Variants in EMILIN2 observed in about 807,000 individuals in gnomAD.
EMILIN2 encodes elastin microfibril interfacer 2, also known as EMILIN-2.
A neutral mutation model predicts 87.1 loss-of-function variants in EMILIN2; 71 were observed. The ratio of observed to expected loss-of-function variants is 0.82; its 90% confidence interval spans 0.67 to 0.99. The LOEUF (loss-of-function observed/expected upper bound fraction) is 0.99, where lower values mean the gene tolerates loss of function less well. Among genes scored for constraint, EMILIN2 ranks in the 50% least tolerant of loss-of-function variants. The probability of loss-of-function intolerance (pLI) is 0.00; values close to 1 mark genes in which losing one functional copy is unlikely to be tolerated. For synonymous variants in EMILIN2, 581 were observed against 563.4 expected, an observed-to-expected ratio of 1.03 and a Z score of -0.44; for missense variants, 1,407 against 1,371.8, an observed-to-expected ratio of 1.03 and a Z score of -0.40.
chr18:2,848,330 C>T lies in EMILIN2; in HGVS notation c.257+399C>T, dbSNP rs2099573819. 6.6e-6 allele frequency among the ~76,000 whole-genome samples: 1 copy of T among 152,152 alleles called. No individual in the cohort carries two copies. The highest frequency in any genetic ancestry group is 2.4e-5 in the African/African-American group (1 of 41,428). ...AAATGTATACTGCTAAAGACTATTC[C>T]GTATAGGATTCGCTGAGAGGTTTGG... On this transcript the variant is annotated intron_variant, in intron 2 of 7. Coordinates refer to ENST00000254528, the MANE Select transcript of EMILIN2 (RefSeq NM_032048.3). The surrounding 1 kb of genome is among the most constrained non-coding windows in gnomAD (Gnocchi z 4.1).
intron 7 of EMILIN2, among the ~76,000 whole-genome samples, chr18:2,910,872 G>A (rs1312977565): frequency 6.6e-6 from 1 of 152,222 alleles, no homozygotes; most frequent in Admixed American, 6.5e-5. Flanking sequence ...AGTGCCCCAG[G>A]CTGATTAAGC....
chr18:2,868,398 G>A (rs2076700872), intron 2 of EMILIN2, among the ~76,000 whole-genome samples: 1 of 152,256 alleles, frequency 6.6e-6, no homozygotes, highest in South Asian at 2.1e-4. Context: ...CGACAGGGTG[G>A]CGGCTGGGCA....
intron 2 of EMILIN2, among the ~76,000 whole-genome samples, chr18:2,879,530 A>G (rs1424350592): frequency 5.3e-5 from 8 of 151,806 alleles, no homozygotes; most frequent in East Asian, 3.9e-4. Context: ...GCGTGGTGGC[A>G]CATGCCTGTA....
At chr18:2,909,031 C>A in intron 6 of EMILIN2, 56 bp downstream of exon 6, 1 of 1,596,812 alleles carries the variant, frequency 6.3e-7, no homozygotes, top group Non-Finnish European at 8.6e-7. Context: ...TGGCCTCTGC[C>A]CCTCCTCTGC....
chr18:2,906,979 G>A lies in EMILIN2; in HGVS notation c.2556G>A (p.Gly852=). 1 of 1,388,360 alleles carries A rather than the reference G, an allele frequency of 7.2e-7. No homozygotes were observed. The highest frequency in any genetic ancestry group is 9.4e-7 in the Non-Finnish European group (1 of 1,069,426). 86.0% of individuals were successfully genotyped at this position (1,388,360 alleles called of 1,614,324 possible). A position where few individuals can be genotyped will look rare whatever the true frequency, so the allele number is the denominator to read the frequency against. Residue 852 remains glycine (G), a synonymous_variant, in exon 5 of 8, where the codon GGG becomes GGA. Transcript: ENST00000254528. ...TGVIAETGQA[G]PPAGAGVSGR... ...TCATCGCGGAGACGGGCCAGGCCGG[G>A]CCCCCCGCAGGCGCAGGCGTGTCTG...
intron 5 of EMILIN2, among the ~76,000 whole-genome samples, chr18:2,907,501 T>C (rs2076920389): frequency 1.3e-5 from 2 of 152,208 alleles, no homozygotes; most frequent in South Asian, 2.1e-4. Context: ...TCCTGAGCTC[T>C]CTGAGCTGCA....
Position 2,899,776 on chromosome 18 carries a change from T to C in EMILIN2, c.2360-7007T>C, listed in dbSNP as rs371118452. On this transcript the variant is annotated intron_variant, in intron 4 of 7. Coordinates refer to ENST00000254528, the MANE Select transcript of EMILIN2 (RefSeq NM_032048.3). ...ACCTCAGCCTCCCAAAGTGCTGGGA[T>C]TACAGGCGTGAGCCACCGCGCGCGG... Among the ~76,000 whole-genome samples the C allele has an allele frequency of 5.3e-4, 81 of 152,284 alleles. No individual in the cohort carries two copies. In the East Asian group the frequency reaches 0.015, roughly 28 times the overall value.
chr18:2,874,844 C>G (rs1300349721), intron 2 of EMILIN2, among the ~76,000 whole-genome samples: 1 of 152,202 alleles, frequency 6.6e-6, no homozygotes, highest in Non-Finnish European at 1.5e-5. Context: ...CTCTTAATGT[C>G]TCCAGATTTT....
intron 2 of EMILIN2, among the ~76,000 whole-genome samples, chr18:2,867,794 C>T (rs1001024345): frequency 1.8e-4 from 27 of 152,240 alleles, no homozygotes; most frequent in Non-Finnish European, 1.2e-4. Context: ...CAGTCTTTTC[C>T]CCACCTTTCC....
At chr18:2,877,088 G>A in intron 2 of EMILIN2, among the ~76,000 whole-genome samples, 1 of 152,182 alleles carries the variant, frequency 6.6e-6, no homozygotes, top group East Asian at 1.9e-4. Flanking sequence ...GACTTTATCT[G>A]GAGTGGGAGA....
chr18:2,892,678 G>A (rs1176360296), intron 4 of EMILIN2, among the ~76,000 whole-genome samples, 192 bp downstream of exon 4: 1 of 151,938 alleles, frequency 6.6e-6, no homozygotes, highest in Non-Finnish European at 1.5e-5. Flanking sequence ...GTGGTTCATA[G>A]ATTGGTGCCT....
intron 4 of EMILIN2, among the ~76,000 whole-genome samples, chr18:2,898,296 C>T (rs2076872869): frequency 6.6e-6 from 1 of 152,248 alleles, no homozygotes; most frequent in East Asian, 1.9e-4. Context: ...GCCTGGGACC[C>T]AGGACTAGCC....
intron 6 of EMILIN2, among the ~76,000 whole-genome samples, chr18:2,909,195 C>A (rs190036781): frequency 3.3e-5 from 5 of 152,226 alleles, no homozygotes; most frequent in South Asian, 2.1e-4. Context: ...AGGCCCAAGA[C>A]AAGGAATCTT....
At chr18:2,864,164 C>G (rs2076674846) in intron 2 of EMILIN2, among the ~76,000 whole-genome samples, 1 of 152,176 alleles carries the variant, frequency 6.6e-6, no homozygotes. Context: ...TGGGTCTTGA[C>G]TCTTTATCCA....
chr18:2,898,228 G>A (rs2076872602), intron 4 of EMILIN2, among the ~76,000 whole-genome samples: 1 of 152,248 alleles, frequency 6.6e-6, no homozygotes, highest in Non-Finnish European at 1.5e-5. Flanking sequence ...GTGGGGGTGT[G>A]TCCTGGCCAC....
In EMILIN2 at chr18:2,848,852, G is replaced by C. The variant is rs561283612; in HGVS notation, c.257+921G>C. On this transcript the variant is annotated intron_variant, in intron 2 of 7. Transcript: ENST00000254528. The surrounding 1 kb of genome is among the most constrained non-coding windows in gnomAD (Gnocchi z 4.1). ...ATAGTCAGTAGGCGGATCTGTCTTT[G>C]GCAAAACCAAGGGACAGACTGGAAC... Among the ~76,000 whole-genome samples the C allele has an allele frequency of 7.6e-4, 115 of 152,266 alleles. No homozygotes were observed. Among genetic ancestry groups the C allele is most frequent in the African/African-American group, 2.6e-3 (107 of 41,554 alleles).
At chr18:2,849,640 A>G (rs2076593252) in intron 2 of EMILIN2, among the ~76,000 whole-genome samples, 1 of 152,184 alleles carries the variant, frequency 6.6e-6, no homozygotes, top group African/African-American at 2.4e-5. Flanking sequence ...AAAATGACAG[A>G]TGTTTCTGTT....
Position 2,907,812 on chromosome 18 carries a change from A to G in EMILIN2, c.2662+727A>G, listed in dbSNP as rs559218335. Reference sequence around the variant, plus strand: ...GATGAGGAAACTGAGATTTGTGGCTATAACAGATAAACAGATGACCCTGAA... The same window carrying G: ...GATGAGGAAACTGAGATTTGTGGCTGTAACAGATAAACAGATGACCCTGAA... On this transcript the variant is annotated intron_variant, in intron 5 of 7. Transcript: ENST00000254528. 2.0e-4 allele frequency among the ~76,000 whole-genome samples: 31 copies of G among 152,346 alleles called. No individual in the cohort carries two copies. The East Asian group carries it at 2.1e-3, about 10-fold the overall frequency.
chr18:2,905,599 T>A, intron 4 of EMILIN2, among the ~76,000 whole-genome samples: 1 of 151,966 alleles, frequency 6.6e-6, no homozygotes, highest in Non-Finnish European at 1.5e-5. Flanking sequence ...TCTAACTATA[T>A]TTTTGAACCC....
Sources: gnomAD v4.1 joint callset for allele counts (sites outside exome capture counted in the v4.1 genomes callset) on GRCh38, gnomAD v4.1.1 for gene constraint, Gnocchi (gnomAD v3.1) non-coding constraint, MANE v1.5 for transcripts, NCBI Gene and HGNC (gene_info 2026-07-23, HGNC 2026-07-21) for gene names.